VPS52: variants seen among roughly 807,000 people sequenced by gnomAD.
The protein encoded by VPS52 is vacuolar protein sorting-associated protein 52 homolog.
A neutral mutation model predicts 98.7 loss-of-function variants in VPS52; 56 were observed. The observed-to-expected ratio is 0.57, with a 90% CI of 0.46 to 0.71. VPS52 has a LOEUF of 0.71. Ranked by LOEUF, VPS52 falls within the 30% of genes least tolerant of loss-of-function variation. VPS52 has a pLI of 0.00. For synonymous variants in VPS52, 348 were observed against 346.4 expected, an observed-to-expected ratio of 1.00 and a Z score of -0.05; for missense variants, 742 against 925.9, an observed-to-expected ratio of 0.80 and a Z score of 2.58.
chr6:33,260,589 A>T (rs1026447961), intron 17 of VPS52, among the ~76,000 whole-genome samples: 2 of 152,074 alleles, frequency 1.3e-5, no homozygotes, highest in African/African-American at 4.8e-5. Flanking sequence ...GTTGATCTAA[A>T]TGTTGCATTT....
Position 33,251,877 on chromosome 6 carries a change from C to T in VPS52, c.1889G>A (p.Arg630Gln), listed in dbSNP as rs780704618. Residue 630 changes from arginine (R) to glutamine (Q), a missense_variant, in exon 18 of 20, where the codon CGA becomes CAA. Physicochemically the swap from Arg to Gln is conservative, Grantham distance 43. Around this residue, in one of 2 missense-constraint regions of VPS52, gnomAD observed 590 missense variants for 793.3 expected, o/e 0.74. Transcript: ENST00000445902. ...EALIERGQAE[R>Q]LRGEEARVTQ... is the part of the protein sequence containing the mutation. ...CCTCATACCTTCTTCCCCTCGAAGTCGCTCAGCCTGTCCACGCTCAATCAA... is the reference window on the plus strand; with the variant it reads ...CCTCATACCTTCTTCCCCTCGAAGTTGCTCAGCCTGTCCACGCTCAATCAA... 4.3e-6 allele frequency: 7 copies of T among 1,613,418 alleles called. No individual in the cohort carries two copies. The highest frequency in any genetic ancestry group is 4.5e-5 in the East Asian group (2 of 44,886).
intron 17 of VPS52, 29 bp downstream of exon 17, chr6:33,263,455 T>C (rs1194367014): frequency 1.9e-6 from 3 of 1,595,304 alleles, no homozygotes; most frequent in Non-Finnish European, 2.6e-6. Flanking sequence ...CACAGAAGGC[T>C]GTCTCTTCCC....
At position 33,263,795 on chromosome 6, in the gene VPS52, C is replaced by T; in HGVS notation, c.1705G>A (p.Asp569Asn). The T allele has an allele frequency of 6.2e-7, 1 of 1,614,216 alleles. No homozygotes were observed. The highest frequency in any genetic ancestry group is 8.5e-7 in the Non-Finnish European group (1 of 1,180,042). The change falls in exon 16 of 20, where the codon GAC becomes AAC. Residue 569 changes from aspartate (D) to asparagine (N), a missense_variant. Around this residue, in one of 2 missense-constraint regions of VPS52, gnomAD observed 590 missense variants for 793.3 expected, o/e 0.74. Transcript: ENST00000445902. The stretch of plus-strand genomic sequence containing the variant: ...ACCATCAGCACACCCAGCATCATGT[C>T]ATAGTTGTTGATCAGAAACACAAGC... The part of the protein sequence containing the change: ...EQLVFLINNY[D>N]MMLGVLMERA...
At position 33,263,852 on chromosome 6, in the gene VPS52, C is replaced by T; in HGVS notation, c.1648G>A (p.Val550Met). The T allele has an allele frequency of 6.2e-7, 1 of 1,614,202 alleles. No homozygotes were observed. Among genetic ancestry groups the T allele is most frequent in the Non-Finnish European group, 8.5e-7 (1 of 1,180,034 alleles). ...TTCCTTGAGGAGAACTCAGCTGCCA[C>T]TCGGAGGACAAAATTCTCCACCTCC... ...QVEVENFVLRVAAEFSSRKEQ... is the reference protein window; with the variant it reads ...QVEVENFVLRMAAEFSSRKEQ... Residue 550 changes from valine to methionine, a missense_variant, in exon 16 of 20, where the codon GTG becomes ATG. Val to Met is a conservative substitution (Grantham distance 21, BLOSUM62 1). Around this residue, in one of 2 missense-constraint regions of VPS52, gnomAD observed 590 missense variants for 793.3 expected, o/e 0.74. Transcript: ENST00000445902.
chr6:33,258,244 G>A (rs940429990), intron 17 of VPS52, among the ~76,000 whole-genome samples: 2 of 151,974 alleles, frequency 1.3e-5, no homozygotes, highest in Non-Finnish European at 2.9e-5. Flanking sequence ...AAAATTAGCC[G>A]GGCGTGGTAG....
chr6:33,257,605 T>G (rs1763139948), intron 17 of VPS52, among the ~76,000 whole-genome samples: 1 of 152,026 alleles, frequency 6.6e-6, no homozygotes, highest in Non-Finnish European at 1.5e-5. Context: ...TTCACCATGT[T>G]GGCCAGGATG....
Position 33,264,650 on chromosome 6 carries a change from T to C in VPS52, c.1400+132A>G, listed in dbSNP as rs957417931. ...AAGGTGAGTCAAAAAGCAGCACTAC[T>C]GCCTCCGGAGCAAATGAATGGGAAT... On this transcript the variant is annotated intron_variant, in intron 13 of 19. Transcript: ENST00000445902. The C allele has an allele frequency of 4.3e-6, 6 of 1,409,296 alleles. No individual in the cohort carries two copies. In the African/African-American group the frequency reaches 8.5e-5, roughly 20 times the overall value. The allele number at this position is 1,409,296 out of a possible 1,614,324, so 87.3% of individuals were successfully genotyped here. A position where few individuals can be genotyped will look rare whatever the true frequency, so the allele number is the denominator to read the frequency against.
rs114433860 is a variant in VPS52 at position 33,264,653 on chromosome 6, C to T, written c.1400+129G>A. The T allele has an allele frequency of 0.012, 17,174 of 1,406,666 alleles. 201 individuals are homozygous for T. Among genetic ancestry groups the T allele is most frequent in the Admixed American group, 0.02 (1,185 of 58,094 alleles). 87.1% of individuals were successfully genotyped at this position (1,406,666 alleles called of 1,614,324 possible). On this transcript the variant is annotated intron_variant, in intron 13 of 19. Transcript: ENST00000445902. ...GTGAGTCAAAAAGCAGCACTACTGC[C>T]TCCGGAGCAAATGAATGGGAATAAA... is the stretch of plus-strand genomic sequence containing the variant.
chr6:33,259,765 G>T (rs1021485813), intron 17 of VPS52, among the ~76,000 whole-genome samples: 2 of 151,216 alleles, frequency 1.3e-5, no homozygotes, highest in South Asian at 4.2e-4. Flanking sequence ...AGCATCCTTG[G>T]TCTCTAAAAA....
rs1399965856 is a variant in VPS52 at position 33,264,894 on chromosome 6, G to A, written c.1288C>T (p.Leu430=). Residue 430 remains leucine, a synonymous_variant, in exon 13 of 20, where the codon CTG becomes TTG. Transcript: ENST00000445902. ...TAGCAGTCAGCTAGATAAGAATCCA[G>A]GTGTTTCTGTGTGATTGGGGAACAA... ...GRTLSMTLKH[L]DSYLADCYDA... 6.2e-7 allele frequency: 1 copy of A among 1,612,392 alleles called. No homozygotes were observed.
At chr6:33,263,414 CAG>C (rs1554258932) in intron 17 of VPS52, 68 bp downstream of exon 17, 8,368 of 930,720 alleles carry the variant, frequency 9.0e-3, no homozygotes, top group Non-Finnish European at 0.011. Context: ...CACACACACA[CAG>C]AGAGAGAGAG....
chr6:33,267,628 G>A lies in VPS52; in HGVS notation c.991+54C>T, dbSNP rs775865407. On this transcript the variant is annotated intron_variant, in intron 10 of 19. Transcript: ENST00000445902. This position sits in a 1 kb window ranked among gnomAD's most constrained non-coding sequence, Gnocchi z 4.2. The stretch of plus-strand genomic sequence containing the variant: ...GAGCAGTGCATTGGTGGCTGGAGTC[G>A]AAAGTCCTCCCACTCTCAAGGCCTG... The A allele has an allele frequency of 6.7e-5, 108 of 1,603,918 alleles. No individual in the cohort carries two copies. Among genetic ancestry groups the A allele is most frequent in the Non-Finnish European group, 8.4e-5 (99 of 1,173,190 alleles).
At chr6:33,264,210 G>A in intron 14 of VPS52, 107 bp from the exon 15 acceptor site, 1 of 1,539,564 alleles carries the variant, frequency 6.5e-7, no homozygotes, top group Non-Finnish European at 8.9e-7. Context: ...TCTACCTTCA[G>A]TCCCTCCTAC....
In VPS52 at chr6:33,252,078, C is replaced by T. The variant is rs1464071127; in HGVS notation, c.1795-107G>A. On this transcript the variant is annotated intron_variant, in intron 17 of 19. Transcript: ENST00000445902. Reference sequence around the variant, plus strand: ...CCATCTGAATGGCATCTTTCAGCTGCTGCAAAAGTTAAGGAAAATCCTCTA... The same window carrying T: ...CCATCTGAATGGCATCTTTCAGCTGTTGCAAAAGTTAAGGAAAATCCTCTA... 1.0e-5 allele frequency: 9 copies of T among 893,030 alleles called. No individual in the cohort carries two copies. In the Admixed American group the frequency reaches 2.2e-4, roughly 22 times the overall value. 55.3% of individuals were successfully genotyped at this position (893,030 alleles called of 1,614,324 possible).
In VPS52 at chr6:33,264,005, C is replaced by T; in HGVS notation, c.1620+3G>A. ...TGGGAAGTGTCTCCTGTCCGACCCTCACCTGCAGCTGTCCCAGCAATTGCA... is the reference window on the plus strand; with the variant it reads ...TGGGAAGTGTCTCCTGTCCGACCCTTACCTGCAGCTGTCCCAGCAATTGCA... On this transcript the variant is annotated splice_donor_region_variant and intron_variant, in intron 15 of 19. Coordinates refer to ENST00000445902, the MANE Select transcript of VPS52 (RefSeq NM_022553.6). 1.2e-6 allele frequency: 2 copies of T among 1,614,240 alleles called. No homozygotes were observed. Among genetic ancestry groups the T allele is most frequent in the Middle Eastern group, 1.6e-4 (1 of 6,062 alleles).
At position 33,263,728 on chromosome 6, in the gene VPS52, C is replaced by T. The variant is rs749719011; in HGVS notation, c.1728+44G>A. 4.3e-6 allele frequency: 7 copies of T among 1,611,994 alleles called. No individual in the cohort carries two copies. In the Admixed American group the frequency reaches 5.0e-5, roughly 12 times the overall value. On this transcript the variant is annotated intron_variant, in intron 16 of 19. Transcript: ENST00000445902. The stretch of plus-strand genomic sequence containing the variant: ...CAGAGCTAACAGCAGTGGGGGAAAC[C>T]GAATTTTCTGGGTAGGAAGGCAAGG...
intron 1 of VPS52, 64 bp from the exon 2 acceptor site, chr6:33,270,347 G>A (rs973907857): frequency 9.6e-6 from 14 of 1,457,154 alleles, no homozygotes; most frequent in Non-Finnish European, 1.2e-5. Flanking sequence ...AATATAATTG[G>A]ATATCCCCAG....
At chr6:33,264,552 G>T in intron 13 of VPS52, 55 bp from the exon 14 acceptor site, 1 of 1,608,302 alleles carries the variant, frequency 6.2e-7, no homozygotes, top group African/African-American at 1.3e-5. Context: ...GGAGGGGGAT[G>T]GGAGGGAGTG....
At position 33,268,642 on chromosome 6, in the gene VPS52, G is replaced by A; in HGVS notation, c.556C>T (p.Leu186=). The A allele has an allele frequency of 1.2e-6, 2 of 1,603,108 alleles. No individual in the cohort carries two copies. The highest frequency in any genetic ancestry group is 1.7e-6 in the Non-Finnish European group (2 of 1,178,412). The change falls in exon 7 of 20, where the codon CTG becomes TTG. Residue 186 remains leucine (L), a synonymous_variant. Coordinates refer to ENST00000445902, the MANE Select transcript of VPS52 (RefSeq NM_022553.6). This position sits in a 1 kb window ranked among gnomAD's most constrained non-coding sequence, Gnocchi z 4.0. ...VVPSALVTAI[L]EAPVTEPRFL... is the part of the protein sequence containing the mutation. Reference sequence around the variant, plus strand: ...CTGGGCTCTGTCACTGGAGCCTCCAGAATTGCCCTGGTTAGCAGGGAGGGG... The same window carrying A: ...CTGGGCTCTGTCACTGGAGCCTCCAAAATTGCCCTGGTTAGCAGGGAGGGG...
Sources: gnomAD v4.1 joint callset for allele counts (sites outside exome capture counted in the v4.1 genomes callset) on GRCh38, gnomAD v4.1.1 for gene constraint, gnomAD v4.1.1 regional missense constraint, Gnocchi (gnomAD v3.1) non-coding constraint, MANE v1.5 for transcripts, NCBI Gene and HGNC (gene_info 2026-07-23, HGNC 2026-07-21) for gene names.